The following ANKRD28 variants were observed in gnomAD, a reference collection of about 807,000 sequenced individuals.
The protein encoded by ANKRD28 is ankyrin repeat domain 28.
A neutral mutation model predicts 126.5 loss-of-function variants in ANKRD28; 44 were observed. The observed-to-expected ratio is 0.35, with a 90% CI of 0.27 to 0.45. ANKRD28 has a LOEUF of 0.45. Among genes scored for constraint, ANKRD28 ranks in the 20% least tolerant of loss-of-function variants. The pLI is 1.00. For missense variants in ANKRD28, 1,110 were observed against 1,316.6 expected (o/e 0.84, Z 2.43); for synonymous variants, 442 against 468.5 (o/e 0.94, Z 0.73).
intron 3 of ANKRD28, among the ~76,000 whole-genome samples, chr3:15,762,343 C>T (rs979167945): frequency 6.6e-6 from 1 of 152,016 alleles, no homozygotes; most frequent in African/African-American, 2.4e-5. Context: ...CTGATTACTA[C>T]CTATCTTTTT....
intron 14 of ANKRD28, among the ~76,000 whole-genome samples, chr3:15,703,830 T>A (rs981229912): frequency 1.3e-5 from 2 of 152,198 alleles, no homozygotes; most frequent in Non-Finnish European, 2.9e-5. Flanking sequence ...TAAAATATTT[T>A]AAAAAATTAT....
chr3:15,822,178 C>A (rs2060956955), intron 1 of ANKRD28, among the ~76,000 whole-genome samples: 1 of 152,282 alleles, frequency 6.6e-6, no homozygotes, highest in East Asian at 1.9e-4. Flanking sequence ...TTCAGCTCTG[C>A]GCAAGTAAAA....
chr3:15,706,037 C>A, intron 14 of ANKRD28, among the ~76,000 whole-genome samples: 1 of 97,732 alleles, frequency 1.0e-5, no homozygotes, highest in Non-Finnish European at 2.3e-5. Context: ...AAAAAACCCA[C>A]AAAAACAAAC....
chr3:15,828,673 T>C (rs890119744), intron 1 of ANKRD28, among the ~76,000 whole-genome samples: 21 of 140,542 alleles, frequency 1.5e-4, no homozygotes, highest in Admixed American at 1.2e-3. Flanking sequence ...GTGGGGGGGA[T>C]TATTGCCTTC....
Position 15,675,952 on chromosome 3 carries a change from C to T in ANKRD28, c.2911G>A (p.Val971Met), listed in dbSNP as rs1274769245. 1 of 1,613,010 alleles carries T rather than the reference C, an allele frequency of 6.2e-7. No individual in the cohort carries two copies. The highest frequency in any genetic ancestry group is 1.7e-5 in the Admixed American group (1 of 60,004). Residue 971 changes from valine (V) to methionine (M), a missense_variant, in exon 27 of 28, where the codon GTG becomes ATG. Transcript: ENST00000683139. ...CCTTTTCCCAAAAGTTCCTGAACCA[C>T]CATTGTTAGCCCATTTCGGGCAGCA... Reference protein sequence around the residue: ...HVAARNGLTMVVQELLGKGAS... With the variant: ...HVAARNGLTMMVQELLGKGAS...
At chr3:15,690,951 C>T (rs139625753) in intron 17 of ANKRD28, among the ~76,000 whole-genome samples, 1 of 152,182 alleles carries the variant, frequency 6.6e-6, no homozygotes, top group East Asian at 1.9e-4. Context: ...CTTGAATATT[C>T]GGATTTCTCA....
In ANKRD28 at chr3:15,685,138, T is replaced by G. The variant is rs547375266; in HGVS notation, c.2389+88A>C. Reference sequence around the variant, plus strand: ...GATTATTCCCAAGGTTTTTGCTAATTTTAAACTTAAAATTTGCCTTATAAA... The same window carrying G: ...GATTATTCCCAAGGTTTTTGCTAATGTTAAACTTAAAATTTGCCTTATAAA... On this transcript the variant is annotated intron_variant, in intron 21 of 27. Transcript: ENST00000683139. 3.4e-6 allele frequency: 5 copies of G among 1,454,714 alleles called. No individual in the cohort carries two copies. In the African/African-American group the frequency reaches 7.0e-5, roughly 20 times the overall value. 90.1% of individuals were successfully genotyped at this position (1,454,714 alleles called of 1,614,324 possible).
intron 1 of ANKRD28, among the ~76,000 whole-genome samples, chr3:15,841,555 A>G (rs2061424733): frequency 6.6e-6 from 1 of 152,208 alleles, no homozygotes; most frequent in South Asian, 2.1e-4. Context: ...ATAACCAGAG[A>G]ATATAAGGAG....
chr3:15,812,860 A>C lies in ANKRD28; in HGVS notation c.28-17554T>G, dbSNP rs911608003. Among the ~76,000 whole-genome samples, 1 of 152,192 alleles carries C rather than the reference A, an allele frequency of 6.6e-6. No homozygotes were observed. Among genetic ancestry groups the C allele is most frequent in the African/African-American group, 2.4e-5 (1 of 41,434 alleles). On this transcript the variant is annotated intron_variant, in intron 1 of 27. Coordinates refer to the ANKRD28 transcript ENST00000399451. The surrounding 1 kb of genome is among the most constrained non-coding windows in gnomAD (Gnocchi z 4.1). ...CTGAAAAGGCCAGGTAAAGATTCAC[A>C]ATCAGAGATTTCATAAAGAATTCAG...
At chr3:15,803,614 TAAA>T (rs145887818) in intron 1 of ANKRD28, among the ~76,000 whole-genome samples, 2 of 125,246 alleles carry the variant, frequency 1.6e-5, no homozygotes. Flanking sequence ...AGACTCCATT[TAAA>T]AAAAAAAAAA....
At position 15,720,266 on chromosome 3, in the gene ANKRD28, GT is replaced by G. The variant is rs573481408; in HGVS notation, c.996+648del. Among the ~76,000 whole-genome samples, 436 of 151,636 alleles carry G rather than the reference GT, an allele frequency of 2.9e-3. 2 individuals carry two copies. Among genetic ancestry groups the G allele is most frequent in the Middle Eastern group, 0.01 (3 of 294 alleles). ...ATTCCTTATGTGCAACACACTGACA[GT>G]TTTTTTTCCCTAACACTGTAAAATT... On this transcript the variant is annotated intron_variant, in intron 8 of 27. Coordinates refer to ENST00000683139, the MANE Select transcript of ANKRD28 (RefSeq NM_001349278.2).
upstream of ANKRD28, among the ~76,000 whole-genome samples, chr3:15,801,662 G>T (rs1331227294): frequency 6.6e-6 from 1 of 152,110 alleles, no homozygotes; most frequent in Non-Finnish European, 1.5e-5. The surrounding 1 kb of genome is among the most constrained non-coding windows in gnomAD (Gnocchi z 4.9). Context: ...TGAGGTAGAG[G>T]GTGAGTGGGG....
chr3:15,695,880 A>G (rs1291165392), intron 15 of ANKRD28, among the ~76,000 whole-genome samples: 1 of 152,136 alleles, frequency 6.6e-6, no homozygotes, highest in Non-Finnish European at 1.5e-5. Context: ...AAGGGGCAGG[A>G]GAAGTAAATA....
intron 24 of ANKRD28, 116 bp downstream of exon 24, chr3:15,678,093 G>A: frequency 9.4e-7 from 1 of 1,061,866 alleles, no homozygotes; most frequent in Non-Finnish European, 1.3e-6. Context: ...CAGGTAAAAG[G>A]TTTTAAGTCT....
chr3:15,718,618 C>T (rs1412732349), intron 8 of ANKRD28, among the ~76,000 whole-genome samples: 1 of 152,102 alleles, frequency 6.6e-6, no homozygotes, highest in African/African-American at 2.4e-5. Context: ...AATATTCATG[C>T]CAAAATGGCA....
chr3:15,728,321 G>A (rs1390489878), intron 6 of ANKRD28, among the ~76,000 whole-genome samples: 1 of 152,062 alleles, frequency 6.6e-6, no homozygotes, highest in South Asian at 2.1e-4. Flanking sequence ...TAGAAACGGG[G>A]TCTTGCTCTG....
chr3:15,802,117 G>C (rs2060475793), upstream of ANKRD28, among the ~76,000 whole-genome samples: 1 of 152,128 alleles, frequency 6.6e-6, no homozygotes, highest in Non-Finnish European at 1.5e-5. Context: ...ACATTTCTCA[G>C]CTCTCTTGTA....
At chr3:15,784,924 C>A (rs558558555) in intron 2 of ANKRD28, among the ~76,000 whole-genome samples, 5 of 151,956 alleles carry the variant, frequency 3.3e-5, no homozygotes, top group Admixed American at 6.6e-5. Context: ...GGAACTCTGT[C>A]ATATAATGAA....
chr3:15,803,681 A>G (rs1440373218), intron 1 of ANKRD28, among the ~76,000 whole-genome samples: 3 of 115,578 alleles, frequency 2.6e-5, no homozygotes, highest in African/African-American at 1.1e-4. Context: ...TAGACTGGCT[A>G]CAAGAGTGAT....
Sources: allele counts gnomAD v4.1 joint callset (sites outside exome capture counted in the v4.1 genomes callset), GRCh38; gene constraint gnomAD v4.1.1; non-coding constraint Gnocchi (gnomAD v3.1); transcripts MANE v1.5; gene names NCBI Gene and HGNC (gene_info 2026-07-23, HGNC 2026-07-21).